Variants in MICAL3 observed in about 807,000 individuals in gnomAD.
MICAL3 encodes the protein microtubule associated monooxygenase, calponin and LIM domain containing 3.
MICAL3 carries 62 observed loss-of-function variants against 207.4 expected under a neutral mutation model. The ratio of observed to expected loss-of-function variants is 0.30; its 90% CI spans 0.24 to 0.37. The LOEUF (loss-of-function observed/expected upper bound fraction) is 0.37. Among genes scored for constraint, MICAL3 ranks in the 10% least tolerant of loss-of-function variants. The pLI is 1.00. For synonymous variants in MICAL3, 1,077 were observed against 1,069.3 expected (o/e 1.01, Z -0.14); for missense variants, 2,368 against 2,635.6 (o/e 0.90, Z 2.22).
chr22:17,881,121 A>C (rs1929380219), intron 16 of MICAL3: 1 of 1,128,198 alleles, frequency 8.9e-7, no homozygotes, highest in Admixed American at 2.0e-5. Context: ...GTAAGAGGGA[A>C]AGTGACTTGG....
At chr22:17,999,531 T>C (rs770647261) in intron 1 of MICAL3, among the ~76,000 whole-genome samples, 1 of 152,236 alleles carries the variant, frequency 6.6e-6, no homozygotes, top group African/African-American at 2.4e-5. Flanking sequence ...TTTATGTTTA[T>C]TGAACATCTG....
chr22:17,818,195 G>A lies in MICAL3; in HGVS notation c.4466C>T (p.Pro1489Leu). 6.4e-7 allele frequency: 1 copy of A among 1,562,740 alleles called. No homozygotes were observed. Among genetic ancestry groups the A allele is most frequent in the Non-Finnish European group, 8.6e-7 (1 of 1,160,122 alleles). ...AEPNASVVPP[P>L]LPATWMRPPR... ...GGGCCGCATCCAGGTGGCGGGCAAGGGCGGCGGGACCACCGAGGCATTGGG... is the reference window on the plus strand; with the variant it reads ...GGGCCGCATCCAGGTGGCGGGCAAGAGCGGCGGGACCACCGAGGCATTGGG... Residue 1489 changes from proline to leucine, a missense_variant, in exon 26 of 32, where the codon CCC becomes CTC. Physicochemically the swap from Pro to Leu is moderately conservative, Grantham distance 98. Around this residue, in one of 4 missense-constraint regions of MICAL3, gnomAD observed 1,770 missense variants for 1,863.2 expected, o/e 0.95. Transcript: ENST00000441493.
At chr22:17,995,710 T>C (rs925501297) in intron 1 of MICAL3, among the ~76,000 whole-genome samples, 3 of 151,974 alleles carry the variant, frequency 2.0e-5, no homozygotes, top group African/African-American at 7.2e-5. Context: ...AGTTTCACCA[T>C]GTTGGCCAGG....
intron 1 of MICAL3, among the ~76,000 whole-genome samples, chr22:17,984,519 C>A (rs528760220): frequency 6.6e-6 from 1 of 152,114 alleles, no homozygotes. Flanking sequence ...TGCTCCCTGA[C>A]GCCTTCCCAG....
At chr22:18,000,960 A>T (rs1411908093) in intron 1 of MICAL3, 1 of 125,858 alleles carries the variant, frequency 7.9e-6, no homozygotes, top group East Asian at 2.5e-4. Context: ...CCCCCGCCCC[A>T]AAAAGCACCC....
At chr22:17,825,156 G>C (rs1425603519) in intron 22 of MICAL3, among the ~76,000 whole-genome samples, 1 of 152,182 alleles carries the variant, frequency 6.6e-6, no homozygotes, top group Non-Finnish European at 1.5e-5. Flanking sequence ...TCCTTCACGC[G>C]GCTCTCCTGT....
chr22:17,967,501 C>T (rs1426953057), intron 1 of MICAL3, among the ~76,000 whole-genome samples: 2 of 120,238 alleles, frequency 1.7e-5, no homozygotes, highest in Non-Finnish European at 4.2e-5. Context: ...CACCCACACA[C>T]ACCCACTCAT....
intron 1 of MICAL3, among the ~76,000 whole-genome samples, chr22:17,981,670 A>G (rs908331405): frequency 6.6e-6 from 1 of 152,232 alleles, no homozygotes; most frequent in East Asian, 1.9e-4. Context: ...ACAGATGCGC[A>G]TGCACAGCAC....
intron 17 of MICAL3, among the ~76,000 whole-genome samples, chr22:17,868,514 G>A (rs751941119): frequency 5.9e-5 from 9 of 152,188 alleles, no homozygotes; most frequent in Non-Finnish European, 8.8e-5. Context: ...GTGAACCGCA[G>A]AGGCGGATGT....
At chr22:17,804,509 C>A (rs1321255074) in intron 29 of MICAL3, among the ~76,000 whole-genome samples, 1 of 152,248 alleles carries the variant, frequency 6.6e-6, no homozygotes, top group Non-Finnish European at 1.5e-5. Flanking sequence ...GAGACTCATG[C>A]AGAGTTCTTC....
chr22:17,791,141 A>C (rs756931612), intron 30 of MICAL3, 61 bp downstream of exon 30: 1 of 1,605,040 alleles, frequency 6.2e-7, no homozygotes, highest in Non-Finnish European at 8.5e-7. Flanking sequence ...CAAATCTGGA[A>C]GGACCTCCAT....
intron 17 of MICAL3, 81 bp downstream of exon 17, chr22:17,871,756 G>C: frequency 1.5e-6 from 2 of 1,328,730 alleles, no homozygotes; most frequent in African/African-American, 1.5e-5. Context: ...AGGCAGGAAG[G>C]GGCCCAAAGG....
intron 1 of MICAL3, among the ~76,000 whole-genome samples, chr22:17,945,907 T>C (rs1370475115): frequency 6.6e-6 from 1 of 151,922 alleles, no homozygotes; most frequent in Non-Finnish European, 1.5e-5. Context: ...GGAAGGGCCA[T>C]AGAAACTGAA....
intron 1 of MICAL3, among the ~76,000 whole-genome samples, chr22:18,016,062 G>A (rs1408915151): frequency 6.6e-6 from 1 of 152,138 alleles, no homozygotes; most frequent in East Asian, 1.9e-4. Context: ...TTCCTATATA[G>A]TGGTAGTAAT....
intron 1 of MICAL3, among the ~76,000 whole-genome samples, chr22:17,940,244 A>G (rs1199004989): frequency 6.6e-6 from 1 of 152,234 alleles, no homozygotes; most frequent in Non-Finnish European, 1.5e-5. Context: ...TCAGCCTATA[A>G]AGAGAACTGA....
intron 1 of MICAL3, among the ~76,000 whole-genome samples, chr22:17,969,049 T>G (rs1036424118): frequency 1.3e-5 from 2 of 152,146 alleles, no homozygotes; most frequent in Non-Finnish European, 2.9e-5. Flanking sequence ...GAAGACTTTT[T>G]TTTTTCTTTT....
At chr22:17,830,441 G>C (rs866166201) in intron 21 of MICAL3, among the ~76,000 whole-genome samples, 1 of 152,234 alleles carries the variant, frequency 6.6e-6, no homozygotes, top group African/African-American at 2.4e-5. Flanking sequence ...GGAAAGCTCG[G>C]CTCAACTCTC....
chr22:18,000,807 A>C (rs953840486), intron 1 of MICAL3, among the ~76,000 whole-genome samples: 26 of 152,258 alleles, frequency 1.7e-4, no homozygotes, highest in African/African-American at 6.3e-4. Context: ...CCTACCTGCC[A>C]GGGTCGCAGG....
At chr22:17,967,728 C>G (rs1056717130) in intron 1 of MICAL3, among the ~76,000 whole-genome samples, 1 of 151,476 alleles carries the variant, frequency 6.6e-6, no homozygotes, top group East Asian at 1.9e-4. Context: ...GGCAACACAG[C>G]GAAACCCCTT....
Sources: allele counts gnomAD v4.1 joint callset (sites outside exome capture counted in the v4.1 genomes callset), GRCh38; gene constraint gnomAD v4.1.1; regional missense constraint gnomAD v4.1.1; transcripts MANE v1.5; gene names NCBI Gene and HGNC (gene_info 2026-07-23, HGNC 2026-07-21).